RBM41: variants seen among roughly 807,000 people sequenced by gnomAD.
The protein encoded by RBM41 is RNA binding motif protein 41.
In RBM41, 14 loss-of-function variants were observed where a neutral mutation model predicts 30.8. The ratio of observed to expected loss-of-function variants is 0.45; its 90% CI spans 0.30 to 0.71. The LOEUF is 0.71. Among genes scored for constraint, RBM41 ranks in the 30% least tolerant of loss-of-function variants. The pLI is 0.08. For synonymous variants in RBM41, 120 were observed against 110.1 expected (o/e 1.09, Z -0.56); for missense variants, 276 against 326.3 (o/e 0.85, Z 1.19).
chrX:107,114,639 C>T (rs1924753792), intron 4 of RBM41: 1 of 110,580 alleles, frequency 9.0e-6, no homozygotes, highest in Admixed American at 9.7e-5. Flanking sequence ...TGGCCTTTGC[C>T]TCCTCTGAAC....
Position 107,063,032 on chromosome X carries a change from G to T in RBM41, c.*4495C>A, listed in dbSNP as rs1935696881. Reference sequence around the variant, plus strand: ...CCTATTGATGGACACCCCTACTTTTGTGAGTTTTATTGAGATATAATTCAT... The same window carrying T: ...CCTATTGATGGACACCCCTACTTTTTTGAGTTTTATTGAGATATAATTCAT... On this transcript the variant is annotated 3_prime_UTR_variant, in exon 8 of 8. Coordinates refer to ENST00000685964, the MANE Select transcript of RBM41 (RefSeq NM_001324242.2). Among the ~76,000 whole-genome samples the T allele has an allele frequency of 9.0e-6, 1 of 111,202 alleles. No homozygotes were observed. The highest frequency in any genetic ancestry group is 3.3e-5 in the African/African-American group (1 of 30,546).
chrX:107,088,818 T>C lies in RBM41; in HGVS notation c.617A>G (p.Lys206Arg). 3 of 1,205,041 alleles carry C rather than the reference T, an allele frequency of 2.5e-6. No homozygotes were observed. The highest frequency in any genetic ancestry group is 3.4e-6 in the Non-Finnish European group (3 of 891,490). Residue 206 changes from lysine (K) to arginine (R), a missense_variant, in exon 6 of 8, where the codon AAA becomes AGA. Lys to Arg is a conservative substitution (Grantham distance 26). Coordinates refer to ENST00000685964, the MANE Select transcript of RBM41 (RefSeq NM_001324242.2). Reference sequence around the variant, plus strand: ...TTCCAGGTTGTTCATGGGATCACCTTTGTTCTTCTTTTGGGGTTCATCTGG... The same window carrying C: ...TTCCAGGTTGTTCATGGGATCACCTCTGTTCTTCTTTTGGGGTTCATCTGG... Reference protein sequence around the residue: ...GTKDEPQKKNKGDPMNNLESF... With the variant: ...GTKDEPQKKNRGDPMNNLESF...
chrX:107,081,402 C>T (rs1405677843), intron 6 of RBM41, among the ~76,000 whole-genome samples: 1 of 111,663 alleles, frequency 9.0e-6, no homozygotes, highest in Non-Finnish European at 1.9e-5. Flanking sequence ...CTCAGCAACA[C>T]CACACCATGC....
chrX:107,115,912 G>T lies in RBM41; in HGVS notation c.268C>A (p.Leu90Ile). 2.5e-6 allele frequency: 3 copies of T among 1,208,195 alleles called. No homozygotes were observed. The highest frequency in any genetic ancestry group is 3.4e-6 in the Non-Finnish European group (3 of 893,735). Residue 90 changes from leucine to isoleucine, a missense_variant, in exon 3 of 8, where the codon CTT becomes ATT. Transcript: ENST00000685964. Reference protein sequence around the residue: ...QETASLRELGLNETEILIWKS... With the variant: ...QETASLRELGINETEILIWKS... ...CAGATCAAGATTTCTGTTTCATTAA[G>T]CCCTAATTCCCTGAGAGAAGCAGTT...
At chrX:107,102,373 T>C (rs1004344557) in intron 5 of RBM41, among the ~76,000 whole-genome samples, 10 of 111,437 alleles carry the variant, frequency 9.0e-5, no homozygotes, top group African/African-American at 3.3e-4. Context: ...CAACACTTGA[T>C]GATTGGGAAA....
chrX:107,063,365 T>C lies in RBM41; in HGVS notation c.*4162A>G, dbSNP rs1362415946. Among the ~76,000 whole-genome samples the C allele has an allele frequency of 8.9e-6, 1 of 112,280 alleles. No individual in the cohort carries two copies. Among genetic ancestry groups the C allele is most frequent in the Non-Finnish European group, 1.9e-5 (1 of 53,275 alleles). On this transcript the variant is annotated 3_prime_UTR_variant, in exon 8 of 8. Coordinates refer to ENST00000685964, the MANE Select transcript of RBM41 (RefSeq NM_001324242.2). ...TGAGCATATTCTGAGTTCTTCCATG[T>C]TGTAGTATGTGTCAGAAGTGTTCAC...
intron 6 of RBM41, among the ~76,000 whole-genome samples, chrX:107,073,498 G>C (rs1294322352): frequency 8.9e-6 from 1 of 111,995 alleles, no homozygotes; most frequent in Non-Finnish European, 1.9e-5. Context: ...ACAAATGCTG[G>C]TGAGGATGTG....
At position 107,066,899 on chromosome X, in the gene RBM41, C is replaced by T. The variant is rs1161883676; in HGVS notation, c.*628G>A. The T allele has an allele frequency of 3.8e-5, 28 of 738,201 alleles. No homozygotes were observed. Among genetic ancestry groups the T allele is most frequent in the South Asian group, 6.9e-5 (1 of 14,390 alleles). 60.8% of individuals were successfully genotyped at this position (738,201 alleles called of 1,213,427 possible). A position where few individuals can be genotyped will look rare whatever the true frequency, so the allele number is the denominator to read the frequency against. ...ACTCAATGGTTGCTAGCTTAAATGG[C>T]TGTGAGAACACCAACATTTTGATCT... On this transcript the variant is annotated 3_prime_UTR_variant, in exon 8 of 8. Coordinates refer to ENST00000685964, the MANE Select transcript of RBM41 (RefSeq NM_001324242.2).
rs192538778 is a variant in RBM41 at position 107,099,696 on chromosome X, C to A, written c.596-10857G>T. On this transcript the variant is annotated intron_variant, in intron 5 of 7. Coordinates refer to ENST00000685964, the MANE Select transcript of RBM41 (RefSeq NM_001324242.2). The stretch of plus-strand genomic sequence containing the variant: ...AAAATGACATCCTGAAAGGTACACA[C>A]ACACACACACACACACACACACACA... 5.6e-3 allele frequency among the ~76,000 whole-genome samples: 597 copies of A among 107,418 alleles called. 4 individuals are homozygous for A. Among genetic ancestry groups the A allele is most frequent in the African/African-American group, 0.02 (580 of 28,985 alleles). The allele number at this position is 107,418 out of a possible 115,157, so 93.3% of individuals were successfully genotyped here. A position where few individuals can be genotyped will look rare whatever the true frequency, so the allele number is the denominator to read the frequency against.
chrX:107,079,651 A>G (rs1357822116), intron 6 of RBM41, among the ~76,000 whole-genome samples: 1 of 111,900 alleles, frequency 8.9e-6, no homozygotes, highest in Non-Finnish European at 1.9e-5. Context: ...TAACATTTGC[A>G]TACATTAAGT....
chrX:107,067,352 T>C lies in RBM41; in HGVS notation c.*175A>G, dbSNP rs961365621. The C allele has an allele frequency of 2.2e-4, 228 of 1,052,573 alleles. No individual in the cohort carries two copies. Among genetic ancestry groups the C allele is most frequent in the Non-Finnish European group, 2.5e-4 (208 of 817,753 alleles). 86.7% of individuals were successfully genotyped at this position (1,052,573 alleles called of 1,213,427 possible). On this transcript the variant is annotated 3_prime_UTR_variant, in exon 8 of 8. Coordinates refer to ENST00000685964, the MANE Select transcript of RBM41 (RefSeq NM_001324242.2). ...TCATCTGTCCTATATAGTCTTCAAT[T>C]ATATAATAGAAAATGTTTTCTACCA...
At chrX:107,053,247 A>G in the RBM41 span, among the ~76,000 whole-genome samples, 1 of 112,822 alleles carries the variant, frequency 8.9e-6, no homozygotes, top group Non-Finnish European at 1.9e-5. Context: ...AGATGGTCAT[A>G]GGGGGCACTA....
intron 5 of RBM41, among the ~76,000 whole-genome samples, chrX:107,106,412 C>T (rs1296015687): frequency 9.0e-6 from 1 of 111,501 alleles, no homozygotes; most frequent in Non-Finnish European, 1.9e-5. Flanking sequence ...CACTTTTACA[C>T]TGTTGGTGGG....
intron 5 of RBM41, among the ~76,000 whole-genome samples, chrX:107,107,840 G>A (rs746341038): frequency 3.6e-5 from 4 of 110,953 alleles, no homozygotes; most frequent in East Asian, 2.8e-4. Flanking sequence ...TTGAAGAGAT[G>A]GTATGTGAAT....
intron 5 of RBM41, among the ~76,000 whole-genome samples, chrX:107,089,820 A>C (rs1296663759): frequency 9.0e-6 from 1 of 111,274 alleles, no homozygotes; most frequent in African/African-American, 3.3e-5. Context: ...TCCATTATTA[A>C]ATTTTCCCAT....
chrX:107,064,233 G>A lies in RBM41; in HGVS notation c.*3294C>T, dbSNP rs1412336979. ...CTCCCAAAGTGCTGGGATTACAGGC[G>A]TAAGCCACTGTGCCTGGTCTTTTTT... On this transcript the variant is annotated 3_prime_UTR_variant, in exon 8 of 8. Coordinates refer to ENST00000685964, the MANE Select transcript of RBM41 (RefSeq NM_001324242.2). Among the ~76,000 whole-genome samples, 5 of 111,173 alleles carry A rather than the reference G, an allele frequency of 4.5e-5. No individual in the cohort carries two copies. Among genetic ancestry groups the A allele is most frequent in the South Asian group, 3.8e-4 (1 of 2,660 alleles).
intron 6 of RBM41, among the ~76,000 whole-genome samples, chrX:107,078,340 G>A (rs1266002859): frequency 3.6e-5 from 4 of 111,331 alleles, no homozygotes; most frequent in East Asian, 2.8e-4. Flanking sequence ...CTCCCTCCCT[G>A]AGGCAGAGTA....
chrX:107,088,846 C>A lies in RBM41; in HGVS notation c.596-7G>T. On this transcript the variant is annotated splice_polypyrimidine_tract_variant and splice_region_variant and intron_variant, in intron 5 of 7. Coordinates refer to ENST00000685964, the MANE Select transcript of RBM41 (RefSeq NM_001324242.2). ...TTCTTCTTTTGGGGTTCATCTGGAT[C>A]AAGACAAAGAGATAGGGAAGTTCTA... The A allele has an allele frequency of 8.4e-7, 1 of 1,191,461 alleles. No individual in the cohort carries two copies. Among genetic ancestry groups the A allele is most frequent in the Non-Finnish European group, 1.1e-6 (1 of 884,345 alleles).
chrX:107,068,027 T>A (rs1935908898), intron 7 of RBM41, among the ~76,000 whole-genome samples: 1 of 111,799 alleles, frequency 8.9e-6, no homozygotes, highest in Non-Finnish European at 1.9e-5. Context: ...TAACAGATTA[T>A]AGGTATTATT....
Sources: gnomAD v4.1 joint callset for allele counts (sites outside exome capture counted in the v4.1 genomes callset) on GRCh38, gnomAD v4.1.1 for gene constraint, MANE v1.5 for transcripts, NCBI Gene and HGNC (gene_info 2026-07-23, HGNC 2026-07-21) for gene names.